Variants in GNAI3 observed in about 807,000 individuals in gnomAD.
GNAI3 encodes the protein guanine nucleotide-binding protein G(i) subunit alpha-3.
In GNAI3, 12 loss-of-function variants were observed where a neutral mutation model predicts 41.8. The observed-to-expected ratio is 0.29, with a 90% CI of 0.18 to 0.47. The LOEUF is 0.47. Among genes scored for constraint, GNAI3 ranks in the 20% least tolerant of loss-of-function variants. The pLI, the probability that GNAI3 is intolerant of heterozygous loss-of-function variation, is 1.00. For missense variants in GNAI3, 360 were observed against 429.6 expected (o/e 0.84, Z 1.43); for synonymous variants, 132 against 146.5 (o/e 0.90, Z 0.71).
At position 109,596,297 on chromosome 1, in the gene GNAI3, A is replaced by T. The variant is rs1649309195; in HGVS notation, c.*3975A>T. 6.6e-6 allele frequency: 1 copy of T among 152,174 alleles called. No homozygotes were observed. The highest frequency in any genetic ancestry group is 2.1e-4 in the South Asian group (1 of 4,824). 9.4% of individuals were successfully genotyped at this position (152,174 alleles called of 1,614,324 possible). On this transcript the variant is annotated 3_prime_UTR_variant, in exon 9 of 9. Transcript: ENST00000369851. ...CCAGTTTTCTCAACATTTATGAGTT[A>T]GTTCTGCTGAGAACAACATACTTCA...
At chr1:109,568,093 TC>T (rs1648503071) in intron 1 of GNAI3, among the ~76,000 whole-genome samples, 1 of 152,106 alleles carries the variant, frequency 6.6e-6, no homozygotes, top group Non-Finnish European at 1.5e-5. Flanking sequence ...AGTTCCAAAT[TC>T]CAATCACTTG....
At chr1:109,556,267 C>T (rs933862640) in intron 1 of GNAI3, among the ~76,000 whole-genome samples, 2 of 151,962 alleles carry the variant, frequency 1.3e-5, no homozygotes, top group Admixed American at 6.6e-5. Context: ...TGGCCTTGAA[C>T]TTCTGGGTTC....
At chr1:109,584,657 A>G (rs1648991601) in intron 5 of GNAI3, among the ~76,000 whole-genome samples, 1 of 152,196 alleles carries the variant, frequency 6.6e-6, no homozygotes, top group African/African-American at 2.4e-5. Context: ...ACATTTATTG[A>G]GCATCTACCA....
rs1316941143 is a variant in GNAI3, at chr1:109,599,672, T to G, written c.*7350T>G. 1 of 152,242 alleles carries G rather than the reference T, an allele frequency of 6.6e-6. No homozygotes were observed. The highest frequency in any genetic ancestry group is 2.4e-5 in the African/African-American group (1 of 41,458). 9.4% of individuals were successfully genotyped at this position (152,242 alleles called of 1,614,324 possible). A position where few individuals can be genotyped will look rare whatever the true frequency, so the allele number is the denominator to read the frequency against. On this transcript the variant is annotated 3_prime_UTR_variant, in exon 9 of 9. Coordinates refer to ENST00000369851, the MANE Select transcript of GNAI3 (RefSeq NM_006496.4). ...AAGAATATGAAGAGGAAATTTTACC[T>G]TCAACAAACAAGCAAACTTAGTTAT...
At chr1:109,558,338 G>T (rs529478006) in intron 1 of GNAI3, among the ~76,000 whole-genome samples, 2 of 152,130 alleles carry the variant, frequency 1.3e-5, no homozygotes, top group Admixed American at 6.5e-5. Flanking sequence ...CATGAGAATC[G>T]CTTGAACCTG....
chr1:109,559,474 TTGTC>T (rs1297871253), intron 1 of GNAI3, among the ~76,000 whole-genome samples: 2 of 152,176 alleles, frequency 1.3e-5, no homozygotes, highest in African/African-American at 4.8e-5. Context: ...CAGGGGTCCT[TTGTC>T]TGTGAACTTA....
intron 3 of GNAI3, among the ~76,000 whole-genome samples, chr1:109,577,110 C>T (rs6537837): frequency 0.18 from 27,627 of 150,706 alleles, 2,681 homozygotes; most frequent in East Asian, 0.34. Context: ...ATGAAGACTT[C>T]ACATGTTAGA....
rs1649403050 is a variant in GNAI3 at position 109,600,085 on chromosome 1, T to A, written c.*7763T>A. On this transcript the variant is annotated 3_prime_UTR_variant, in exon 9 of 9. Transcript: ENST00000369851. ...CTTTAGCAGTCTTAAGAATTAAGGT[T>A]GCATGCCAGAAAATAGGGTTAAATA... 1 of 151,760 alleles carries A rather than the reference T, an allele frequency of 6.6e-6. No homozygotes were observed. Among genetic ancestry groups the A allele is most frequent in the Non-Finnish European group, 1.5e-5 (1 of 68,004 alleles). The allele number at this position is 151,760 out of a possible 1,614,324, so 9.4% of individuals were successfully genotyped here.
intron 3 of GNAI3, among the ~76,000 whole-genome samples, chr1:109,577,020 T>G (rs1020280615): frequency 6.6e-6 from 1 of 151,276 alleles, no homozygotes; most frequent in Admixed American, 6.6e-5. Context: ...TTTCTGTTTT[T>G]TTTTTTTTTT....
At chr1:109,550,027 A>T (rs541070421) in intron 1 of GNAI3, among the ~76,000 whole-genome samples, 2 of 152,316 alleles carry the variant, frequency 1.3e-5, no homozygotes. Context: ...ATTAGAGAAG[A>T]ATAAGTAGGA....
chr1:109,557,736 A>T (rs970546548), intron 1 of GNAI3, among the ~76,000 whole-genome samples: 14 of 151,990 alleles, frequency 9.2e-5, no homozygotes, highest in Non-Finnish European at 2.1e-4. Flanking sequence ...ATGTTATCTG[A>T]TGCAGGCTCC....
chr1:109,575,390 C>CTG (rs1317313068), intron 3 of GNAI3, among the ~76,000 whole-genome samples: 2 of 151,810 alleles, frequency 1.3e-5, no homozygotes, highest in African/African-American at 4.8e-5. Context: ...GTCAGTAGTA[C>CTG]TGTATTTATT....
chr1:109,588,886 CATCA>C lies in GNAI3; in HGVS notation c.874+2031_874+2034del, dbSNP rs145424289. Among the ~76,000 whole-genome samples, 76 of 151,554 alleles carry C rather than the reference CATCA, an allele frequency of 5.0e-4. 1 individual carries two copies. Among genetic ancestry groups the C allele is most frequent in the Middle Eastern group, 3.4e-3 (1 of 294 alleles). ...CCAGCCTGGTGACAGAGTGAGACTCCATCAATCAATCAATCAATCAATCAATCAA... is the reference window on the plus strand; with the variant it reads ...CCAGCCTGGTGACAGAGTGAGACTCCATCAATCAATCAATCAATCAATCAA... On this transcript the variant is annotated intron_variant, in intron 7 of 8. Transcript: ENST00000369851.
rs1340543455 is a variant in GNAI3, at chr1:109,594,710, T to C, written c.*2388T>C. On this transcript the variant is annotated 3_prime_UTR_variant, in exon 9 of 9. Transcript: ENST00000369851. The stretch of plus-strand genomic sequence containing the variant: ...CTCTGTCGCCCAGGCTGGAGTGCAG[T>C]GGCGCGATCTCGGCTTATTGCAAGC... 7.0e-6 allele frequency: 1 copy of C among 141,986 alleles called. No individual in the cohort carries two copies. The highest frequency in any genetic ancestry group is 1.5e-5 in the Non-Finnish European group (1 of 66,768). The allele number at this position is 141,986 out of a possible 1,614,324, so 8.8% of individuals were successfully genotyped here. A position where few individuals can be genotyped will look rare whatever the true frequency, so the allele number is the denominator to read the frequency against.
chr1:109,548,679 TGTGA>T lies in GNAI3; in HGVS notation c.-35_-32del, dbSNP rs751296925. On this transcript the variant is annotated 5_prime_UTR_variant, in exon 1 of 9. Coordinates refer to ENST00000369851, the MANE Select transcript of GNAI3 (RefSeq NM_006496.4). The stretch of plus-strand genomic sequence containing the variant: ...GCCTGCCGAGCCGCAGTTTCCGTGG[TGTGA>T]GTGAGTCCGGGCCCGTGTCCCCTCT... The T allele has an allele frequency of 4.3e-6, 6 of 1,384,514 alleles. No individual in the cohort carries two copies. Among genetic ancestry groups the T allele is most frequent in the South Asian group, 1.2e-5 (1 of 85,490 alleles). The allele number at this position is 1,384,514 out of a possible 1,614,324, so 85.8% of individuals were successfully genotyped here. A position where few individuals can be genotyped will look rare whatever the true frequency, so the allele number is the denominator to read the frequency against.
intron 7 of GNAI3, among the ~76,000 whole-genome samples, chr1:109,587,409 A>C (rs1466475037): frequency 1.3e-5 from 2 of 152,232 alleles, no homozygotes; most frequent in Non-Finnish European, 2.9e-5. Context: ...ATAGTGTAAA[A>C]TATGCATTAA....
Position 109,548,636 on chromosome 1 carries a change from G to A in GNAI3, c.-85G>A, listed in dbSNP as rs1375421539. The stretch of plus-strand genomic sequence containing the variant: ...AGCTGACGGAGAGGGCCACCGCCCA[G>A]CAATAGACGGTGCCTCAGCCTGCCG... On this transcript the variant is annotated 5_prime_UTR_variant, in exon 1 of 9. Transcript: ENST00000369851. 22 of 899,566 alleles carry A rather than the reference G, an allele frequency of 2.4e-5. No individual in the cohort carries two copies. The highest frequency in any genetic ancestry group is 3.3e-5 in the Non-Finnish European group (18 of 552,224). 55.7% of individuals were successfully genotyped at this position (899,566 alleles called of 1,614,324 possible). A position where few individuals can be genotyped will look rare whatever the true frequency, so the allele number is the denominator to read the frequency against.
intron 1 of GNAI3, among the ~76,000 whole-genome samples, chr1:109,551,703 T>C (rs1247140305): frequency 2.0e-5 from 3 of 152,198 alleles, no homozygotes; most frequent in Non-Finnish European, 4.4e-5. Context: ...TAGTACTAGC[T>C]CCATGAAGAT....
At chr1:109,571,093 G>A (rs184461557) in intron 1 of GNAI3, among the ~76,000 whole-genome samples, 12 of 152,254 alleles carry the variant, frequency 7.9e-5, no homozygotes, top group South Asian at 4.1e-4. Flanking sequence ...TTATCTGCAC[G>A]TTAGTCACAT....
Sources: gnomAD v4.1 joint callset for allele counts (sites outside exome capture counted in the v4.1 genomes callset) on GRCh38, gnomAD v4.1.1 for gene constraint, MANE v1.5 for transcripts, NCBI Gene and HGNC (gene_info 2026-07-23, HGNC 2026-07-21) for gene names.